The following PATJ variants were observed in gnomAD, a reference collection of about 807,000 sequenced individuals.
The protein encoded by PATJ is PATJ crumbs cell polarity complex component.
A neutral mutation model predicts 224.9 loss-of-function variants in PATJ; 190 were observed. That is an observed-to-expected ratio of 0.84 (90% CI 0.75 to 0.95). The LOEUF (loss-of-function observed/expected upper bound fraction) is 0.95, where lower values mean the gene tolerates loss of function less well. Ranked by LOEUF, PATJ falls within the 40% of genes least tolerant of loss-of-function variation. The pLI, the probability that PATJ is intolerant of heterozygous loss-of-function variation, is 0.00. For synonymous variants in PATJ, 769 were observed against 820.3 expected, an observed-to-expected ratio of 0.94 and a Z score of 1.07; for missense variants, 2,121 against 2,270.3, an observed-to-expected ratio of 0.93 and a Z score of 1.34.
intron 41 of PATJ, among the ~76,000 whole-genome samples, chr1:62,131,644 G>A (rs114693391): frequency 4.0e-5 from 6 of 151,120 alleles, no homozygotes; most frequent in African/African-American, 9.7e-5. Context: ...GTCAGACTCC[G>A]TCTCAAAAAA....
chr1:61,759,915 G>T (rs1645868533), intron 1 of PATJ, among the ~76,000 whole-genome samples: 1 of 152,106 alleles, frequency 6.6e-6, no homozygotes, highest in Non-Finnish European at 1.5e-5. Flanking sequence ...ATGACATTTG[G>T]AGTATAAACT....
At chr1:61,791,931 C>A (rs1010542921) in intron 9 of PATJ, among the ~76,000 whole-genome samples, 1 of 151,968 alleles carries the variant, frequency 6.6e-6, no homozygotes, top group African/African-American at 2.4e-5. Flanking sequence ...TTCAAGTATC[C>A]CTGACTAAAA....
At position 61,811,564 on chromosome 1, in the gene PATJ, T is replaced by G. The variant is rs867600523; in HGVS notation, c.1683+3034T>G. On this transcript the variant is annotated intron_variant, in intron 14 of 43. Coordinates refer to ENST00000642238, the MANE Select transcript of PATJ (RefSeq NM_001350145.3). ...TTTTTATTATTATCATATAAATCAG[T>G]GTTGCATGAAATTGCTCTTTAATTT... Among the ~76,000 whole-genome samples, 5 of 151,616 alleles carry G rather than the reference T, an allele frequency of 3.3e-5. No homozygotes were observed. The South Asian group carries it at 1.0e-3, about 32-fold the overall frequency.
intron 43 of PATJ, among the ~76,000 whole-genome samples, chr1:62,159,429 T>G (rs1175789027): frequency 1.3e-5 from 2 of 152,184 alleles, no homozygotes; most frequent in African/African-American, 4.8e-5. Flanking sequence ...TGATTTCAGG[T>G]GATCCTCCTG....
chr1:62,036,726 G>A (rs1650447876), intron 29 of PATJ, among the ~76,000 whole-genome samples: 1 of 151,902 alleles, frequency 6.6e-6, no homozygotes, highest in African/African-American at 2.4e-5. Flanking sequence ...ACAAAAATTA[G>A]CCAGGTGTGG....
In PATJ at chr1:61,951,299, G is replaced by A. The variant is rs74076834; in HGVS notation, c.3670+23470G>A. ...TTTATTCTGAAAACTCAGCTTCAGC[G>A]CTTGATATAATTTGGATGTATTTAT... On this transcript the variant is annotated intron_variant, in intron 27 of 43. Coordinates refer to ENST00000642238, the MANE Select transcript of PATJ (RefSeq NM_001350145.3). Among the ~76,000 whole-genome samples the A allele has an allele frequency of 2.8e-3, 432 of 152,092 alleles. 1 individual carries two copies. Among genetic ancestry groups the A allele is most frequent in the African/African-American group, 9.9e-3 (409 of 41,486 alleles).
At chr1:62,028,856 A>G (rs1648579199) in intron 29 of PATJ, among the ~76,000 whole-genome samples, 1 of 152,202 alleles carries the variant, frequency 6.6e-6, no homozygotes, top group Non-Finnish European at 1.5e-5. Context: ...CAGAAGGCTG[A>G]GGTGGGAGGT....
chr1:61,742,975 C>T (rs1377792258), intron 1 of PATJ, among the ~76,000 whole-genome samples: 4 of 152,138 alleles, frequency 2.6e-5, no homozygotes, highest in African/African-American at 9.6e-5. Flanking sequence ...CTATTTTGCG[C>T]CCAGATCGGT....
At chr1:61,756,938 G>A (rs142729079) in intron 1 of PATJ, among the ~76,000 whole-genome samples, 13 of 152,138 alleles carry the variant, frequency 8.5e-5, no homozygotes, top group African/African-American at 2.9e-4. Context: ...AACTTTGTAG[G>A]TAGGATTAGT....
intron 27 of PATJ, among the ~76,000 whole-genome samples, chr1:61,962,102 G>A (rs1251241836): frequency 1.3e-5 from 2 of 152,050 alleles, no homozygotes; most frequent in Non-Finnish European, 2.9e-5. Flanking sequence ...TCAGTTAGAA[G>A]TATTGTCTTC....
intron 1 of PATJ, among the ~76,000 whole-genome samples, chr1:61,750,119 T>C (rs935325499): frequency 1.3e-5 from 2 of 152,256 alleles, no homozygotes; most frequent in African/African-American, 4.8e-5. Context: ...GAATTTTGTC[T>C]GTATTGATTG....
chr1:61,965,938 G>A (rs1682067089), intron 27 of PATJ, among the ~76,000 whole-genome samples: 1 of 152,180 alleles, frequency 6.6e-6, no homozygotes, highest in Non-Finnish European at 1.5e-5. Flanking sequence ...GCCTCGCTCT[G>A]TCTCCCAGGC....
Position 61,907,252 on chromosome 1 carries a change from T to C in PATJ, c.3382-1120T>C, listed in dbSNP as rs112309949. Among the ~76,000 whole-genome samples the C allele has an allele frequency of 7.9e-4, 121 of 152,304 alleles. 1 individual carries two copies. The highest frequency in any genetic ancestry group is 2.5e-3 in the African/African-American group (103 of 41,572). On this transcript the variant is annotated intron_variant, in intron 24 of 43. Transcript: ENST00000642238. The stretch of plus-strand genomic sequence containing the variant: ...CGTGAGAACAAAGTAATACAACAGG[T>C]AACTGTGCCAAACCCCTTATGCCTC...
In PATJ at chr1:62,037,642, T is replaced by G. The variant is rs146286203; in HGVS notation, c.3960-335T>G. On this transcript the variant is annotated intron_variant, in intron 29 of 43. Coordinates refer to ENST00000642238, the MANE Select transcript of PATJ (RefSeq NM_001350145.3). ...GGTTGCACATGGCCATTTGAAAAAT[T>G]TATACTCTGCAGTGCTGAAAGAGCC... is the stretch of plus-strand genomic sequence containing the variant. 1.6e-4 allele frequency among the ~76,000 whole-genome samples: 24 copies of G among 152,262 alleles called. No individual in the cohort carries two copies. In the East Asian group the frequency reaches 4.4e-3, roughly 28 times the overall value.
At chr1:61,813,418 T>C (rs1031164107) in intron 14 of PATJ, among the ~76,000 whole-genome samples, 4 of 146,568 alleles carry the variant, frequency 2.7e-5, no homozygotes, top group African/African-American at 1.0e-4. Flanking sequence ...TATACATATT[T>C]GTACTCAGTA....
chr1:62,110,739 C>G (rs1663699273), intron 34 of PATJ, among the ~76,000 whole-genome samples: 1 of 152,138 alleles, frequency 6.6e-6, no homozygotes, highest in Non-Finnish European at 1.5e-5. Context: ...GCTGCACTAG[C>G]TTTGTTATTC....
At chr1:62,030,952 T>C (rs1224433267) in intron 29 of PATJ, among the ~76,000 whole-genome samples, 2 of 152,210 alleles carry the variant, frequency 1.3e-5, no homozygotes, top group Non-Finnish European at 2.9e-5. Flanking sequence ...AGTTTTTAGT[T>C]ACTATGAATA....
chr1:62,003,660 T>A (rs1453562476), intron 28 of PATJ, among the ~76,000 whole-genome samples: 1 of 152,190 alleles, frequency 6.6e-6, no homozygotes, highest in Non-Finnish European at 1.5e-5. Flanking sequence ...AAGGAAAAAA[T>A]TAATGTGATA....
chr1:62,073,665 G>A (rs886323729), intron 31 of PATJ, among the ~76,000 whole-genome samples: 2 of 151,444 alleles, frequency 1.3e-5, no homozygotes, highest in Admixed American at 6.6e-5. Flanking sequence ...AATAATAAAA[G>A]GGTATCCCTG....
Sources: allele counts gnomAD v4.1 joint callset (sites outside exome capture counted in the v4.1 genomes callset), GRCh38; gene constraint gnomAD v4.1.1; transcripts MANE v1.5; gene names NCBI Gene and HGNC (gene_info 2026-07-23, HGNC 2026-07-21).